The following FGF18 variants were observed in gnomAD, a reference collection of about 807,000 sequenced individuals.
FGF18 encodes the protein fibroblast growth factor 18.
In FGF18, 5 loss-of-function variants were observed where a neutral mutation model predicts 23.0. The observed-to-expected ratio is 0.22, with a 90% CI of 0.11 to 0.46. The LOEUF is 0.46. Among genes scored for constraint, FGF18 ranks in the 20% least tolerant of loss-of-function variants. The pLI is 0.99. For missense variants in FGF18, 180 were observed against 291.6 expected, an observed-to-expected ratio of 0.62 and a Z score of 2.79; for synonymous variants, 117 against 118.9, an observed-to-expected ratio of 0.98 and a Z score of 0.10.
chr5:171,433,209 G>C (rs1324189069), intron 2 of FGF18, among the ~76,000 whole-genome samples: 1 of 152,192 alleles, frequency 6.6e-6, no homozygotes, highest in African/African-American at 2.4e-5. Flanking sequence ...CCGCATCCTG[G>C]GGAAGTGCCA....
chr5:171,438,332 C>T (rs1367939754), intron 3 of FGF18, among the ~76,000 whole-genome samples: 1 of 152,062 alleles, frequency 6.6e-6, no homozygotes, highest in Non-Finnish European at 1.5e-5. Context: ...GAACTCTTGA[C>T]CTCAGGTGAT....
At chr5:171,431,007 G>A (rs1772175131) in intron 2 of FGF18, among the ~76,000 whole-genome samples, 1 of 152,116 alleles carries the variant, frequency 6.6e-6, no homozygotes, top group Non-Finnish European at 1.5e-5. Flanking sequence ...TGTGGTGTGT[G>A]TACATAGGTG....
rs1467833329 is a variant in FGF18, at chr5:171,420,249, G to C, written c.32+18G>C. On this transcript the variant is annotated intron_variant, in intron 1 of 4. Coordinates refer to ENST00000274625, the MANE Select transcript of FGF18 (RefSeq NM_003862.3). ...ACTTGCCTGTAAGCGCCCGCGCGCGGGGCTGCCCACCTTGCCTGGCTGTCT... is the reference window on the plus strand; with the variant it reads ...ACTTGCCTGTAAGCGCCCGCGCGCGCGGCTGCCCACCTTGCCTGGCTGTCT... 6.3e-7 allele frequency: 1 copy of C among 1,587,670 alleles called. No homozygotes were observed. Among genetic ancestry groups the C allele is most frequent in the Non-Finnish European group, 8.5e-7 (1 of 1,169,668 alleles).
In FGF18 at chr5:171,436,230, G is replaced by A. The variant is rs770492890; in HGVS notation, c.207G>A (p.Leu69=). ...CCAGTGGGAAACACATCCAGGTCCT[G>A]GGCCGCAGGATCAGTGCCCGCGGCG... ...SRTSGKHIQV[L]GRRISARGED... The change falls in exon 3 of 5, where the codon CTG becomes CTA. Residue 69 remains leucine (L), a synonymous_variant. Transcript: ENST00000274625. The surrounding 1 kb of genome is among the most constrained non-coding windows in gnomAD (Gnocchi z 4.4). The A allele has an allele frequency of 1.8e-5, 29 of 1,601,032 alleles. No individual in the cohort carries two copies. The highest frequency in any genetic ancestry group is 1.7e-4 in the Middle Eastern group (1 of 6,032).
chr5:171,446,568 G>A (rs1407268641), intron 3 of FGF18, among the ~76,000 whole-genome samples: 2 of 152,302 alleles, frequency 1.3e-5, no homozygotes, highest in South Asian at 2.1e-4. Flanking sequence ...AGGTCCAGGC[G>A]TGTGCTGGGA....
chr5:171,425,601 G>A (rs975329291), intron 2 of FGF18, among the ~76,000 whole-genome samples: 20 of 149,670 alleles, frequency 1.3e-4, no homozygotes, highest in African/African-American at 4.9e-4. Flanking sequence ...CGTGATCTCG[G>A]TTCACTGTAA....
At position 171,451,219 on chromosome 5, in the gene FGF18, G is replaced by A. The variant is rs984426271; in HGVS notation, c.357+1966G>A. Among the ~76,000 whole-genome samples, 2 of 151,984 alleles carry A rather than the reference G, an allele frequency of 1.3e-5. No individual in the cohort carries two copies. Among genetic ancestry groups the A allele is most frequent in the South Asian group, 4.2e-4 (2 of 4,818 alleles). ...CCCTGGCGCAGCGGAGGGAGGCCCG[G>A]CCCCGGCCCCCGGCGCCTCCCCCGC... On this transcript the variant is annotated intron_variant, in intron 4 of 4. Transcript: ENST00000274625. The surrounding 1 kb of genome is among the most constrained non-coding windows in gnomAD (Gnocchi z 4.5).
At position 171,436,045 on chromosome 5, in the gene FGF18, G is replaced by A. The variant is rs1772239652; in HGVS notation, c.70-48G>A. The A allele has an allele frequency of 1.4e-6, 2 of 1,420,554 alleles. No homozygotes were observed. The highest frequency in any genetic ancestry group is 1.6e-5 in the South Asian group (1 of 61,816). The allele number at this position is 1,420,554 out of a possible 1,614,324, so 88.0% of individuals were successfully genotyped here. On this transcript the variant is annotated intron_variant, in intron 2 of 4. Coordinates refer to ENST00000274625, the MANE Select transcript of FGF18 (RefSeq NM_003862.3). This position sits in a 1 kb window ranked among gnomAD's most constrained non-coding sequence, Gnocchi z 4.4. ...GACGTGGCTGGCTCCTGCATGCAGT[G>A]GGCCTGGGACATCTGGGGTGGCTTA... is the stretch of plus-strand genomic sequence containing the variant.
At chr5:171,448,168 G>A (rs1226167847) in intron 3 of FGF18, among the ~76,000 whole-genome samples, 1 of 152,176 alleles carries the variant, frequency 6.6e-6, no homozygotes, top group Non-Finnish European at 1.5e-5. Flanking sequence ...TGGGGGATCA[G>A]CTCTGGACCC....
intron 2 of FGF18, among the ~76,000 whole-genome samples, chr5:171,429,343 G>C (rs34014475): frequency 1.6e-3 from 244 of 152,364 alleles, no homozygotes; most frequent in African/African-American, 5.3e-3. Flanking sequence ...CAGCTGCTCA[G>C]GTTGTGTGAG....
At chr5:171,427,868 G>A (rs775554285) in intron 2 of FGF18, among the ~76,000 whole-genome samples, 6 of 152,160 alleles carry the variant, frequency 3.9e-5, no homozygotes, top group Non-Finnish European at 7.3e-5. Flanking sequence ...GATCCAGGGC[G>A]CTCTGCGGGG....
chr5:171,449,729 T>C (rs962639985), intron 4 of FGF18, among the ~76,000 whole-genome samples: 16 of 152,012 alleles, frequency 1.1e-4, no homozygotes, highest in African/African-American at 3.9e-4. Flanking sequence ...CCTGGCCGCC[T>C]CGTCAGCGCT....
At chr5:171,424,157 A>T (rs931990571) in intron 2 of FGF18, among the ~76,000 whole-genome samples, 2 of 152,120 alleles carry the variant, frequency 1.3e-5, no homozygotes, top group African/African-American at 2.4e-5. Flanking sequence ...CTGCCTTGGG[A>T]ATAAGGTCTA....
intron 3 of FGF18, among the ~76,000 whole-genome samples, chr5:171,443,500 C>CTTTTTTTTTTTT (rs766926286): frequency 0.013 from 902 of 70,244 alleles, 182 homozygotes; most frequent in African/African-American, 0.02. Flanking sequence ...CTGTTATCAT[C>CTTTTTTTTTTTT]ATTTTTTTTT....
intron 2 of FGF18, among the ~76,000 whole-genome samples, chr5:171,432,125 T>A (rs1772190406): frequency 6.6e-6 from 1 of 152,166 alleles, no homozygotes; most frequent in Non-Finnish European, 1.5e-5. Flanking sequence ...ATTGGATGCC[T>A]GGAGGGGTGT....
Position 171,420,140 on chromosome 5 carries a change from C to A in FGF18, c.-60C>A. 1 of 1,354,928 alleles carries A rather than the reference C, an allele frequency of 7.4e-7. No individual in the cohort carries two copies. 83.9% of individuals were successfully genotyped at this position (1,354,928 alleles called of 1,614,324 possible). A position where few individuals can be genotyped will look rare whatever the true frequency, so the allele number is the denominator to read the frequency against. ...CGGCGGCGGAGGCGCCCGGTCCCGG[C>A]CGCGCGGAGCGGACATGTGCAGGCT... On this transcript the variant is annotated 5_prime_UTR_variant, in exon 1 of 5. Transcript: ENST00000274625.
chr5:171,431,499 T>C (rs1424820702), intron 2 of FGF18, among the ~76,000 whole-genome samples: 1 of 152,150 alleles, frequency 6.6e-6, no homozygotes, highest in Non-Finnish European at 1.5e-5. Flanking sequence ...TTTGAGCCTC[T>C]TGGGGCCTCG....
chr5:171,454,867 C>G (rs757894807), intron 4 of FGF18, among the ~76,000 whole-genome samples: 5 of 152,242 alleles, frequency 3.3e-5, no homozygotes, highest in Non-Finnish European at 4.4e-5. Context: ...TCCCACTCTT[C>G]CCCATCGAGC....
At chr5:171,439,421 C>T (rs1217452391) in intron 3 of FGF18, among the ~76,000 whole-genome samples, 2 of 152,104 alleles carry the variant, frequency 1.3e-5, no homozygotes, top group South Asian at 2.1e-4. Context: ...TAGTTGAATA[C>T]CTGGCAGGTG....
Sources: gnomAD v4.1 joint callset for allele counts (sites outside exome capture counted in the v4.1 genomes callset) on GRCh38, gnomAD v4.1.1 for gene constraint, Gnocchi (gnomAD v3.1) non-coding constraint, MANE v1.5 for transcripts, NCBI Gene and HGNC (gene_info 2026-07-23, HGNC 2026-07-21) for gene names.